Variants in UBE2K observed in about 807,000 individuals in gnomAD.
UBE2K encodes the protein ubiquitin-conjugating enzyme E2 K.
A neutral mutation model predicts 30.0 loss-of-function variants in UBE2K; 6 were observed. The observed-to-expected ratio is 0.20, with a 90% CI of 0.11 to 0.39. UBE2K has a LOEUF of 0.39. Ranked by LOEUF, UBE2K falls within the 10% of genes least tolerant of loss-of-function variation. The probability of loss-of-function intolerance (pLI) is 1.00; values close to 1 mark genes in which losing one functional copy is unlikely to be tolerated. For missense variants in UBE2K, 61 were observed against 241.6 expected (o/e 0.25, Z 4.96); for synonymous variants, 86 against 83.7 (o/e 1.03, Z -0.15).
intron 4 of UBE2K, chr4:39,770,851 C>T: frequency 3.2e-6 from 5 of 1,542,026 alleles, no homozygotes; most frequent in Non-Finnish European, 3.5e-6. Context: ...TCATCCTCTT[C>T]CTCGGCTTTC....
Position 39,737,821 on chromosome 4 carries a change from C to T in UBE2K, c.157+308C>T, listed in dbSNP as rs999343890. On this transcript the variant is annotated intron_variant, in intron 2 of 6. Coordinates refer to ENST00000261427, the MANE Select transcript of UBE2K (RefSeq NM_005339.5). ...CTCTAAATCATATGGACTGTAGACA[C>T]TCAGTTACCCTTCATATGGTATCTA... is the stretch of plus-strand genomic sequence containing the variant. Among the ~76,000 whole-genome samples the T allele has an allele frequency of 1.6e-4, 25 of 152,264 alleles. 1 individual carries two copies. Among genetic ancestry groups the T allele is most frequent in the Non-Finnish European group, 2.8e-4 (19 of 68,016 alleles).
At chr4:39,765,107 A>G (rs1166403760) in intron 4 of UBE2K, among the ~76,000 whole-genome samples, 3 of 151,822 alleles carry the variant, frequency 2.0e-5, no homozygotes, top group Non-Finnish European at 4.4e-5. Context: ...GGATGGTCTC[A>G]ATCTCCTGAC....
At chr4:39,727,738 G>GT (rs143126342) in intron 1 of UBE2K, among the ~76,000 whole-genome samples, 2,841 of 152,182 alleles carry the variant, frequency 0.019, 97 homozygotes, top group African/African-American at 0.064. Flanking sequence ...TAAAAGTTGA[G>GT]TAAGTGTATA....
At chr4:39,743,847 G>GTTTTC (rs149890020) in intron 2 of UBE2K, among the ~76,000 whole-genome samples, 19,533 of 151,898 alleles carry the variant, frequency 0.13, 1,335 homozygotes, top group East Asian at 0.21. Context: ...CCCCTTCAGT[G>GTTTTC]TTTTCTTTTC....
intron 2 of UBE2K, among the ~76,000 whole-genome samples, chr4:39,742,450 C>T (rs1339300804): frequency 1.3e-5 from 2 of 152,048 alleles, no homozygotes; most frequent in East Asian, 3.9e-4. Flanking sequence ...TTAAAAAGAA[C>T]TAGCCACGAG....
At position 39,780,403 on chromosome 4, in the gene UBE2K, A is replaced by G. The variant is rs368157424; in HGVS notation, c.*1969A>G. Reference sequence around the variant, plus strand: ...CAGTTTATTTTTTGCCTGTATTATCAGGGTATATTTAATTGTCCTGTGGTT... The same window carrying G: ...CAGTTTATTTTTTGCCTGTATTATCGGGGTATATTTAATTGTCCTGTGGTT... On this transcript the variant is annotated 3_prime_UTR_variant, in exon 7 of 7. Transcript: ENST00000261427. 16 of 152,126 alleles carry G rather than the reference A, an allele frequency of 1.1e-4. No individual in the cohort carries two copies. Among genetic ancestry groups the G allele is most frequent in the Admixed American group, 7.2e-4 (11 of 15,264 alleles). 9.4% of individuals were successfully genotyped at this position (152,126 alleles called of 1,614,324 possible). A position where few individuals can be genotyped will look rare whatever the true frequency, so the allele number is the denominator to read the frequency against.
chr4:39,775,267 T>C (rs1320061987), intron 5 of UBE2K, among the ~76,000 whole-genome samples: 1 of 152,232 alleles, frequency 6.6e-6, no homozygotes, highest in Non-Finnish European at 1.5e-5. Context: ...CTTTCAGTGA[T>C]GATCCCTCCC....
At chr4:39,743,651 T>C (rs187809011) in intron 2 of UBE2K, among the ~76,000 whole-genome samples, 13 of 152,192 alleles carry the variant, frequency 8.5e-5, no homozygotes, top group African/African-American at 3.1e-4. Context: ...CCAGCTTTAA[T>C]AACTATCAGC....
At chr4:39,712,873 T>C (rs1401557709) in intron 1 of UBE2K, among the ~76,000 whole-genome samples, 1 of 151,676 alleles carries the variant, frequency 6.6e-6, no homozygotes, top group East Asian at 1.9e-4. Flanking sequence ...TTTTTTTTTT[T>C]TTTTTTAAAT....
chr4:39,745,915 A>T (rs561488345), intron 3 of UBE2K, 105 bp downstream of exon 3: 3 of 862,576 alleles, frequency 3.5e-6, no homozygotes, highest in Non-Finnish European at 5.2e-6. Context: ...CAGCTTTATG[A>T]ATTGCTTACT....
chr4:39,706,861 G>A (rs1264506329), intron 1 of UBE2K, among the ~76,000 whole-genome samples: 1 of 152,042 alleles, frequency 6.6e-6, no homozygotes, highest in Non-Finnish European at 1.5e-5. Flanking sequence ...GAGGGGCAAA[G>A]TGTAAATGCT....
At chr4:39,757,411 T>TAC (rs1711560530) in intron 4 of UBE2K, among the ~76,000 whole-genome samples, 1 of 152,314 alleles carries the variant, frequency 6.6e-6, no homozygotes, top group East Asian at 1.9e-4. Flanking sequence ...ATTTAGTGTA[T>TAC]GGCCAGTGGT....
intron 4 of UBE2K, chr4:39,770,414 G>C (rs1446364148): frequency 6.2e-7 from 1 of 1,612,706 alleles, no homozygotes; most frequent in Non-Finnish European, 8.5e-7. Context: ...GCATGTGGAA[G>C]ACCAGCTTCT....
At chr4:39,712,013 C>A (rs1310132554) in intron 1 of UBE2K, among the ~76,000 whole-genome samples, 1 of 151,062 alleles carries the variant, frequency 6.6e-6, no homozygotes, top group Non-Finnish European at 1.5e-5. Context: ...TGCATTCCAT[C>A]CTGGGCAAGA....
intron 3 of UBE2K, among the ~76,000 whole-genome samples, chr4:39,749,259 A>G (rs1343531732): frequency 6.6e-6 from 1 of 152,252 alleles, no homozygotes; most frequent in African/African-American, 2.4e-5. Flanking sequence ...TGTAGAAGGA[A>G]TTTGATTAAA....
Position 39,781,651 on chromosome 4 carries a change from G to A in UBE2K, c.*3217G>A, listed in dbSNP as rs1182575710. Reference sequence around the variant, plus strand: ...TGTTATTGTTTTAAAGATTTAAGATGGATTGGGGTAGGGAACAGCTGGAGC... The same window carrying A: ...TGTTATTGTTTTAAAGATTTAAGATAGATTGGGGTAGGGAACAGCTGGAGC... On this transcript the variant is annotated 3_prime_UTR_variant, in exon 7 of 7. Coordinates refer to ENST00000261427, the MANE Select transcript of UBE2K (RefSeq NM_005339.5). 1 of 333,878 alleles carries A rather than the reference G, an allele frequency of 3.0e-6. No homozygotes were observed. The highest frequency in any genetic ancestry group is 5.4e-6 in the Non-Finnish European group (1 of 185,304). 20.7% of individuals were successfully genotyped at this position (333,878 alleles called of 1,614,324 possible). A position where few individuals can be genotyped will look rare whatever the true frequency, so the allele number is the denominator to read the frequency against.
At chr4:39,750,752 A>G (rs1333520132) in intron 3 of UBE2K, among the ~76,000 whole-genome samples, 1 of 140,296 alleles carries the variant, frequency 7.1e-6, no homozygotes, top group Admixed American at 7.1e-5. Flanking sequence ...TTTTTATTTT[A>G]TTTTATTTTT....
At chr4:39,717,354 C>T (rs571334751) in intron 1 of UBE2K, among the ~76,000 whole-genome samples, 1 of 152,054 alleles carries the variant, frequency 6.6e-6, no homozygotes, top group East Asian at 1.9e-4. Flanking sequence ...CCTCAGCCTC[C>T]TGAGTAGCTG....
intron 1 of UBE2K, among the ~76,000 whole-genome samples, chr4:39,700,683 CT>C (rs1443194712): frequency 6.6e-6 from 1 of 152,064 alleles, no homozygotes; most frequent in Non-Finnish European, 1.5e-5. Context: ...CATCATGTCA[CT>C]TTTTTGGTAA....
Sources: gnomAD v4.1 joint callset for allele counts (sites outside exome capture counted in the v4.1 genomes callset) on GRCh38, gnomAD v4.1.1 for gene constraint, MANE v1.5 for transcripts, NCBI Gene and HGNC (gene_info 2026-07-23, HGNC 2026-07-21) for gene names.